SMYD3: variants seen among roughly 807,000 people sequenced by gnomAD.
SMYD3 encodes histone-lysine N-methyltransferase SMYD3.
In SMYD3, 36 loss-of-function variants were observed where a neutral mutation model predicts 57.7. That is an observed-to-expected ratio of 0.62 (90% CI 0.48 to 0.82). The LOEUF (loss-of-function observed/expected upper bound fraction) is 0.82, where lower values mean the gene tolerates loss of function less well. Ranked by LOEUF, SMYD3 falls within the 40% of genes least tolerant of loss-of-function variation. The pLI is 0.00. For synonymous variants in SMYD3, 211 were observed against 195.0 expected (o/e 1.08, Z -0.68); for missense variants, 515 against 538.8 (o/e 0.96, Z 0.44).
At chr1:246,002,310 G>C (rs1203459743) in intron 5 of SMYD3, among the ~76,000 whole-genome samples, 2 of 86,328 alleles carry the variant, frequency 2.3e-5, no homozygotes, top group Non-Finnish European at 5.8e-5. Flanking sequence ...TCAGCCTCCC[G>C]AGTAGCTGGG....
At chr1:246,395,096 AAG>A (rs1350685555) in intron 1 of SMYD3, among the ~76,000 whole-genome samples, 1 of 152,214 alleles carries the variant, frequency 6.6e-6, no homozygotes, top group Non-Finnish European at 1.5e-5. Context: ...TTTATGATAT[AAG>A]AGAGGCAATT....
intron 5 of SMYD3, among the ~76,000 whole-genome samples, chr1:246,062,891 T>C (rs1410634538): frequency 6.6e-6 from 1 of 152,224 alleles, no homozygotes; most frequent in Non-Finnish European, 1.5e-5. Context: ...TAATAAATGC[T>C]AGCTCAAAAT....
At chr1:245,929,821 G>A (rs765251176) in intron 6 of SMYD3, 49 bp downstream of exon 6, 7 of 1,452,940 alleles carry the variant, frequency 4.8e-6, no homozygotes, top group Non-Finnish European at 3.9e-6. Context: ...GGGGATTTGG[G>A]TGGGAATGAA....
At chr1:245,814,891 C>A (rs2048713539) in intron 10 of SMYD3, among the ~76,000 whole-genome samples, 1 of 151,198 alleles carries the variant, frequency 6.6e-6, no homozygotes, top group South Asian at 2.1e-4. Flanking sequence ...CACACGCATG[C>A]ACACACACAC....
chr1:245,860,784 C>G (rs996675088), intron 9 of SMYD3, among the ~76,000 whole-genome samples: 2 of 152,242 alleles, frequency 1.3e-5, no homozygotes, highest in Non-Finnish European at 2.9e-5. Context: ...GATTGCTGGG[C>G]TAACCTCCGT....
intron 5 of SMYD3, among the ~76,000 whole-genome samples, chr1:246,062,589 C>A (rs941307264): frequency 6.6e-6 from 1 of 152,154 alleles, no homozygotes; most frequent in Non-Finnish European, 1.5e-5. Context: ...GTTAATTTCT[C>A]AAGGACAAAA....
intron 5 of SMYD3, among the ~76,000 whole-genome samples, chr1:246,013,533 AAC>A (rs1558151159): frequency 2.0e-5 from 3 of 152,152 alleles, no homozygotes; most frequent in Non-Finnish European, 4.4e-5. Context: ...CCTATAATGT[AAC>A]AGTTATTGGT....
intron 5 of SMYD3, among the ~76,000 whole-genome samples, chr1:246,288,004 T>G (rs1330621332): frequency 6.6e-6 from 1 of 151,126 alleles, no homozygotes; most frequent in African/African-American, 2.4e-5. Flanking sequence ...GACACTTAGA[T>G]TGGTCTGGGC....
chr1:246,398,566 T>C (rs905529482), intron 1 of SMYD3, among the ~76,000 whole-genome samples: 3 of 152,226 alleles, frequency 2.0e-5, no homozygotes, highest in East Asian at 3.8e-4. Flanking sequence ...AGAGTGGTTC[T>C]TAAAGGGCAA....
chr1:246,211,191 G>C (rs2063081314), intron 5 of SMYD3, among the ~76,000 whole-genome samples: 1 of 152,158 alleles, frequency 6.6e-6, no homozygotes, highest in Admixed American at 6.5e-5. Flanking sequence ...TATAACACCA[G>C]TGCTTTGGGA....
chr1:246,241,110 C>T (rs1396024964), intron 5 of SMYD3, among the ~76,000 whole-genome samples: 1 of 151,992 alleles, frequency 6.6e-6, no homozygotes, highest in African/African-American at 2.4e-5. Context: ...TTGCCCTGGC[C>T]AGAATTTCCA....
intron 8 of SMYD3, among the ~76,000 whole-genome samples, chr1:245,871,755 C>T (rs1011631894): frequency 3.9e-5 from 6 of 152,106 alleles, no homozygotes; most frequent in African/African-American, 1.2e-4. Context: ...AGGAGATGCA[C>T]CTTCTCATCT....
intron 5 of SMYD3, among the ~76,000 whole-genome samples, chr1:246,277,039 G>A (rs1196788842): frequency 6.6e-6 from 1 of 152,190 alleles, no homozygotes. Flanking sequence ...TGTCTAATAT[G>A]GAGATGTACA....
At chr1:246,101,495 G>T (rs1214621770) in intron 5 of SMYD3, among the ~76,000 whole-genome samples, 1 of 152,110 alleles carries the variant, frequency 6.6e-6, no homozygotes, top group African/African-American at 2.4e-5. Flanking sequence ...AATGCTACCT[G>T]CAGTATTTTT....
chr1:246,355,075 A>G lies in SMYD3; in HGVS notation c.184T>C (p.Cys62Arg). The change falls in exon 2 of 12, where the codon TGC (cysteine) becomes CGC (arginine). Residue 62 changes from cysteine (C) to arginine (R), a missense_variant. Physicochemically the swap from Cys to Arg is radical, Grantham distance 180. Transcript: ENST00000490107. The surrounding 1 kb of genome is among the most constrained non-coding windows in gnomAD (Gnocchi z 5.0). ...CLLGKEKLMR[C>R]SQCRVAKYCS... ...TATTTGGCGACGCGGCACTGAGAGC[A>G]TCGCATCAGCTTTTCCTTCCTGTGG... 2.5e-6 allele frequency: 4 copies of G among 1,614,238 alleles called. No individual in the cohort carries two copies. Among genetic ancestry groups the G allele is most frequent in the Non-Finnish European group, 3.4e-6 (4 of 1,180,034 alleles).
chr1:245,795,903 A>G (rs777949147), intron 10 of SMYD3, among the ~76,000 whole-genome samples: 22 of 152,230 alleles, frequency 1.4e-4, no homozygotes, highest in Non-Finnish European at 2.5e-4. Flanking sequence ...GCTTAAATAC[A>G]GTCTCAGAAG....
intron 1 of SMYD3, among the ~76,000 whole-genome samples, chr1:246,414,717 G>GTTTTTT (rs1311609589): frequency 4.1e-5 from 5 of 123,368 alleles, no homozygotes; most frequent in Admixed American, 9.4e-5. Flanking sequence ...TTTTTTGCTG[G>GTTTTTT]TTTTTTTTTT....
intron 5 of SMYD3, among the ~76,000 whole-genome samples, chr1:246,009,847 T>C (rs1478208884): frequency 7.7e-6 from 1 of 130,200 alleles, no homozygotes. Context: ...TCTTGCTCTG[T>C]TGCCCAGGCT....
chr1:246,157,757 C>A (rs954090370), intron 5 of SMYD3, among the ~76,000 whole-genome samples: 1 of 152,156 alleles, frequency 6.6e-6, no homozygotes, highest in Non-Finnish European at 1.5e-5. Context: ...AGTGGAACTG[C>A]GTTGAGAATC....
Sources: allele counts gnomAD v4.1 joint callset (sites outside exome capture counted in the v4.1 genomes callset), GRCh38; gene constraint gnomAD v4.1.1; non-coding constraint Gnocchi (gnomAD v3.1); transcripts MANE v1.5; gene names NCBI Gene and HGNC (gene_info 2026-07-23, HGNC 2026-07-21).